Variants in FRMD5 observed in about 807,000 individuals in gnomAD.
The protein encoded by FRMD5 is FERM domain-containing protein 5.
FRMD5 carries 20 observed loss-of-function variants against 69.0 expected under a neutral mutation model. The ratio of observed to expected loss-of-function variants is 0.29; its 90% CI spans 0.20 to 0.42. The LOEUF (loss-of-function observed/expected upper bound fraction) is 0.42. FRMD5 is among the 10% of genes least tolerant of loss of function. FRMD5 has a pLI of 1.00. For synonymous variants in FRMD5, 271 were observed against 260.1 expected, an observed-to-expected ratio of 1.04 and a Z score of -0.40; for missense variants, 595 against 708.6, an observed-to-expected ratio of 0.84 and a Z score of 1.82.
At chr15:43,910,043 G>A (rs1287995672) in intron 4 of FRMD5, 64 bp from the exon 5 acceptor site, 14 of 915,778 alleles carry the variant, frequency 1.5e-5, no homozygotes, top group Non-Finnish European at 2.3e-5. Context: ...ATAGAAATAT[G>A]TATTGTAAGC....
intron 13 of FRMD5, among the ~76,000 whole-genome samples, chr15:43,880,912 G>A (rs2088507962): frequency 1.3e-5 from 2 of 152,232 alleles, no homozygotes; most frequent in East Asian, 1.9e-4. Flanking sequence ...GGAGGAGGCT[G>A]GAGGTAAAGC....
At chr15:44,072,799 T>C (rs532319327) in intron 1 of FRMD5, among the ~76,000 whole-genome samples, 34 of 152,244 alleles carry the variant, frequency 2.2e-4, no homozygotes, top group Non-Finnish European at 4.3e-4. Flanking sequence ...AAAAACAAAC[T>C]GTGTTTTCCA....
At chr15:43,987,429 C>T (rs187033041) in intron 1 of FRMD5, among the ~76,000 whole-genome samples, 381 of 152,346 alleles carry the variant, frequency 2.5e-3, no homozygotes, top group Non-Finnish European at 4.5e-3. Context: ...GATAGAACAG[C>T]GGTCCTCAAC....
At chr15:43,893,133 A>C (rs201805748) in intron 7 of FRMD5, among the ~76,000 whole-genome samples, 153 of 147,116 alleles carry the variant, frequency 1.0e-3, no homozygotes, top group African/African-American at 2.3e-3. Flanking sequence ...AAAAACAAAA[A>C]AAAAAAAAAA....
At chr15:43,900,446 G>A (rs2089017102) in intron 7 of FRMD5, among the ~76,000 whole-genome samples, 1 of 152,194 alleles carries the variant, frequency 6.6e-6, no homozygotes. Flanking sequence ...TTACTTTGCA[G>A]CAGGCTGTGC....
chr15:44,154,633 C>T (rs979133752), intron 1 of FRMD5, among the ~76,000 whole-genome samples: 1 of 152,180 alleles, frequency 6.6e-6, no homozygotes, highest in Non-Finnish European at 1.5e-5. Flanking sequence ...GCAGGCAACA[C>T]TTTATGTGTA....
At chr15:44,113,454 T>G (rs1186085308) in intron 1 of FRMD5, among the ~76,000 whole-genome samples, 2 of 152,216 alleles carry the variant, frequency 1.3e-5, no homozygotes, top group Non-Finnish European at 2.9e-5. Context: ...ACACTTGATA[T>G]CTCTCATGAG....
chr15:44,189,640 C>T (rs2078161391), intron 1 of FRMD5, among the ~76,000 whole-genome samples: 1 of 152,006 alleles, frequency 6.6e-6, no homozygotes, highest in African/African-American at 2.4e-5. Flanking sequence ...AGGCATGTAA[C>T]AGCACACACC....
In FRMD5 at chr15:43,872,144, T is replaced by C. The variant is rs1247896913; in HGVS notation, c.*1741A>G. 3.3e-5 allele frequency: 5 copies of C among 152,216 alleles called. No individual in the cohort carries two copies. Among genetic ancestry groups the C allele is most frequent in the Non-Finnish European group, 5.9e-5 (4 of 68,036 alleles). 9.4% of individuals were successfully genotyped at this position (152,216 alleles called of 1,614,324 possible). ...AGTATGGCGTGCTAAACCAAAATAT[T>C]TACTGTGTAGCACTTGACATAAGTT... On this transcript the variant is annotated 3_prime_UTR_variant, in exon 14 of 14. Coordinates refer to ENST00000417257, the MANE Select transcript of FRMD5 (RefSeq NM_032892.5).
At chr15:44,071,889 G>A (rs965660264) in intron 1 of FRMD5, among the ~76,000 whole-genome samples, 2 of 152,008 alleles carry the variant, frequency 1.3e-5, no homozygotes, top group Admixed American at 6.6e-5. Context: ...ATGCTGAGAC[G>A]GAATCTTGCT....
intron 1 of FRMD5, among the ~76,000 whole-genome samples, chr15:44,111,990 C>T (rs1244669429): frequency 6.6e-6 from 1 of 151,996 alleles, no homozygotes; most frequent in African/African-American, 2.4e-5. Flanking sequence ...ACTACAGGTG[C>T]CCGCCACCAC....
intron 10 of FRMD5, among the ~76,000 whole-genome samples, chr15:43,886,141 CTCTT>C: frequency 6.6e-6 from 1 of 152,304 alleles, no homozygotes. Context: ...ATTTCCTTCT[CTCTT>C]AGCCTCACCC....
In FRMD5 at chr15:44,018,418, A is replaced by C. The variant is rs186038649; in HGVS notation, c.103-94109T>G. Among the ~76,000 whole-genome samples the C allele has an allele frequency of 2.6e-5, 4 of 152,342 alleles. No homozygotes were observed. In the South Asian group the frequency reaches 6.2e-4, roughly 24 times the overall value. On this transcript the variant is annotated intron_variant, in intron 1 of 13. Coordinates refer to ENST00000417257, the MANE Select transcript of FRMD5 (RefSeq NM_032892.5). ...TAATGGCTGTCTGCATAAAGTGATGAGAAAAATTTGATTAAGTTTGGGCAT... is the reference window on the plus strand; with the variant it reads ...TAATGGCTGTCTGCATAAAGTGATGCGAAAAATTTGATTAAGTTTGGGCAT...
chr15:44,100,208 C>A (rs534177620), intron 1 of FRMD5, among the ~76,000 whole-genome samples: 3 of 151,648 alleles, frequency 2.0e-5, no homozygotes, highest in African/African-American at 7.2e-5. Flanking sequence ...CATGTGCCAC[C>A]ACACCCGGCT....
intron 1 of FRMD5, among the ~76,000 whole-genome samples, chr15:44,087,288 T>TGGGATTACA (rs1233756060): frequency 6.6e-6 from 1 of 152,136 alleles, no homozygotes. Context: ...CCCTAAATGT[T>TGGGATTACA]GGGATTACAG....
At chr15:44,162,903 G>A (rs1346795332) in intron 1 of FRMD5, among the ~76,000 whole-genome samples, 3 of 147,968 alleles carry the variant, frequency 2.0e-5, no homozygotes, top group Non-Finnish European at 4.5e-5. Flanking sequence ...GGCTGGGCGC[G>A]GTGGCTCACG....
intron 1 of FRMD5, among the ~76,000 whole-genome samples, chr15:44,193,663 C>T (rs1486823916): frequency 1.3e-5 from 2 of 152,158 alleles, no homozygotes; most frequent in African/African-American, 2.4e-5. Flanking sequence ...CAGCAGTCAG[C>T]ACTTATGCCC....
chr15:44,183,724 G>C (rs2078051167), intron 1 of FRMD5, among the ~76,000 whole-genome samples: 2 of 152,180 alleles, frequency 1.3e-5, no homozygotes, highest in African/African-American at 4.8e-5. Flanking sequence ...GCTCAGGCCT[G>C]TAATCCCAGT....
intron 1 of FRMD5, among the ~76,000 whole-genome samples, chr15:44,039,919 G>A (rs569702180): frequency 6.6e-6 from 1 of 151,930 alleles, no homozygotes; most frequent in African/African-American, 2.4e-5. Context: ...AGGAAGCTAA[G>A]AACCTTGAAA....
Sources: allele counts gnomAD v4.1 joint callset (sites outside exome capture counted in the v4.1 genomes callset), GRCh38; gene constraint gnomAD v4.1.1; transcripts MANE v1.5; gene names NCBI Gene and HGNC (gene_info 2026-07-23, HGNC 2026-07-21).